Variants in UGT3A2 observed in about 807,000 individuals in gnomAD.
The protein encoded by UGT3A2 is UDP glycosyltransferase family 3 member A2.
UGT3A2 carries 32 observed loss-of-function variants against 39.8 expected under a neutral mutation model. The ratio of observed to expected loss-of-function variants is 0.80; its 90% CI spans 0.61 to 1.08. The LOEUF is 1.08. Among genes scored for constraint, UGT3A2 ranks in the 50% least tolerant of loss-of-function variants. The pLI, the probability that UGT3A2 is intolerant of heterozygous loss-of-function variation, is 0.00. For synonymous variants in UGT3A2, 241 were observed against 230.7 expected, an observed-to-expected ratio of 1.04 and a Z score of -0.40; for missense variants, 611 against 637.1, an observed-to-expected ratio of 0.96 and a Z score of 0.44.
At chr5:36,055,285 G>A (rs554625479) in intron 2 of UGT3A2, among the ~76,000 whole-genome samples, 1 of 151,888 alleles carries the variant, frequency 6.6e-6, no homozygotes, top group East Asian at 1.9e-4. Context: ...CCAGGCTGGA[G>A]TGCATGGCAC....
chr5:36,035,833 G>C lies in UGT3A2; in HGVS notation c.1437C>G (p.Pro479=). 1 of 1,614,164 alleles carries C rather than the reference G, an allele frequency of 6.2e-7. No homozygotes were observed. Among genetic ancestry groups the C allele is most frequent in the Non-Finnish European group, 8.5e-7 (1 of 1,180,030 alleles). ...CGTCGAGCAGGTACTGCTCATGCCA[G>C]GGCTGCTGAAAGACATAGGGCTTGA... is the stretch of plus-strand genomic sequence containing the variant. ...THLKPYVFQQ[P]WHEQYLLDVF... is the part of the protein sequence containing the mutation. The change falls in exon 7 of 7, where the codon CCC becomes CCG. Residue 479 remains proline, a synonymous_variant. Transcript: ENST00000282507.
At chr5:36,047,871 C>T (rs1476732997) in intron 4 of UGT3A2, among the ~76,000 whole-genome samples, 1 of 152,106 alleles carries the variant, frequency 6.6e-6, no homozygotes, top group African/African-American at 2.4e-5. Flanking sequence ...GCCTTATGGC[C>T]ATCTCAATTA....
chr5:36,041,078 G>A (rs910624739), intron 4 of UGT3A2, among the ~76,000 whole-genome samples: 35 of 152,170 alleles, frequency 2.3e-4, no homozygotes, highest in Admixed American at 2.2e-3. Context: ...TGAAGGGAGA[G>A]ACCTAAGCCT....
intron 4 of UGT3A2, among the ~76,000 whole-genome samples, chr5:36,042,000 A>G (rs1742023809): frequency 6.6e-6 from 1 of 152,144 alleles, no homozygotes; most frequent in Admixed American, 6.5e-5. Flanking sequence ...GCTCAGTGAC[A>G]TTCAAGATAA....
chr5:36,051,547 A>C (rs1243745655), intron 3 of UGT3A2, among the ~76,000 whole-genome samples: 1 of 152,246 alleles, frequency 6.6e-6, no homozygotes, highest in South Asian at 2.1e-4. Context: ...CAATTGTTGT[A>C]GGTGAAGTGT....
At chr5:36,045,641 A>G (rs1282970868) in intron 4 of UGT3A2, among the ~76,000 whole-genome samples, 1 of 151,922 alleles carries the variant, frequency 6.6e-6, no homozygotes, top group African/African-American at 2.4e-5. Context: ...AAAGAAAAGA[A>G]AAAGACTGAA....
chr5:36,047,913 A>G (rs1362267640), intron 4 of UGT3A2, among the ~76,000 whole-genome samples: 1 of 152,152 alleles, frequency 6.6e-6, no homozygotes, highest in Non-Finnish European at 1.5e-5. Flanking sequence ...CTGCTCCCCA[A>G]CCTGGGGTGC....
chr5:36,041,620 C>T (rs1742009771), intron 4 of UGT3A2, among the ~76,000 whole-genome samples: 1 of 152,182 alleles, frequency 6.6e-6, no homozygotes, highest in Non-Finnish European at 1.5e-5. Flanking sequence ...ATTCTCCTGG[C>T]TCTTACCTAA....
At chr5:36,064,945 C>CATT (rs1742832618) in intron 1 of UGT3A2, among the ~76,000 whole-genome samples, 1 of 152,074 alleles carries the variant, frequency 6.6e-6, no homozygotes, top group Non-Finnish European at 1.5e-5. Flanking sequence ...TAATTTAGGC[C>CATT]ACACAATGAT....
intron 6 of UGT3A2, among the ~76,000 whole-genome samples, chr5:36,036,947 G>T (rs1741849423): frequency 6.6e-6 from 1 of 152,172 alleles, no homozygotes; most frequent in Non-Finnish European, 1.5e-5. Flanking sequence ...AGGTCACTGG[G>T]CCCCTTCTAT....
rs769512062 is a variant in UGT3A2, at chr5:36,038,000, A to G, written c.1092T>C (p.Arg364=). ...TCTGCCCGCCGTGGGTGACAAACAG[A>G]CGGATGCTTGGGTGAGCTGTTGTAA... is the stretch of plus-strand genomic sequence containing the variant. ...QSDLLAHPSI[R]LFVTHGGQNS... The change falls in exon 6 of 7, where the codon CGT becomes CGC. Residue 364 remains arginine, a synonymous_variant. Transcript: ENST00000282507. 1 of 1,602,046 alleles carries G rather than the reference A, an allele frequency of 6.2e-7. No homozygotes were observed. Among genetic ancestry groups the G allele is most frequent in the South Asian group, 1.1e-5 (1 of 88,262 alleles).
At chr5:36,064,181 T>G in intron 2 of UGT3A2, 68 bp downstream of exon 2, 9 of 1,419,280 alleles carry the variant, frequency 6.3e-6, no homozygotes, top group East Asian at 2.3e-5. Context: ...TTGCTAAGCC[T>G]TTCTATGCAA....
intron 2 of UGT3A2, among the ~76,000 whole-genome samples, chr5:36,062,359 G>T (rs1274924304): frequency 6.6e-6 from 1 of 152,052 alleles, no homozygotes; most frequent in Non-Finnish European, 1.5e-5. Context: ...TTTCTTCTAG[G>T]GTTTTAATGG....
In UGT3A2 at chr5:36,035,676, C is replaced by A; in HGVS notation, c.*22G>T. 6.2e-7 allele frequency: 1 copy of A among 1,607,248 alleles called. No individual in the cohort carries two copies. The highest frequency in any genetic ancestry group is 8.5e-7 in the Non-Finnish European group (1 of 1,175,004). ...TGGTGACATCGCCCACCAAACAGAC[C>A]CCGCCAAGGCTGCACCTGGCCTTAT... is the stretch of plus-strand genomic sequence containing the variant. On this transcript the variant is annotated 3_prime_UTR_variant, in exon 7 of 7. Transcript: ENST00000282507.
chr5:36,055,669 C>T (rs1015570896), intron 2 of UGT3A2, among the ~76,000 whole-genome samples: 4 of 151,992 alleles, frequency 2.6e-5, no homozygotes, highest in South Asian at 2.1e-4. Context: ...TAGTAATATC[C>T]CCTCAATTAT....
Position 36,035,573 on chromosome 5 carries a change from T to A in UGT3A2, c.*125A>T. ...AAGGATGATTTTTGGCCATTTTTCCTGTTCTTCAAGAAAACAGGAGATAAC... is the reference window on the plus strand; with the variant it reads ...AAGGATGATTTTTGGCCATTTTTCCAGTTCTTCAAGAAAACAGGAGATAAC... On this transcript the variant is annotated 3_prime_UTR_variant, in exon 7 of 7. Coordinates refer to ENST00000282507, the MANE Select transcript of UGT3A2 (RefSeq NM_174914.4). 9 of 1,399,718 alleles carry A rather than the reference T, an allele frequency of 6.4e-6. No individual in the cohort carries two copies. The highest frequency in any genetic ancestry group is 8.6e-6 in the Non-Finnish European group (9 of 1,046,554). 86.7% of individuals were successfully genotyped at this position (1,399,718 alleles called of 1,614,324 possible).
In UGT3A2 at chr5:36,066,695, C is replaced by T. The variant is rs777625854; in HGVS notation, c.94+1G>A. The stretch of plus-strand genomic sequence containing the variant: ...TGGGAATTCTCCGGCCAAGCACTCA[C>T]CTACTGTAGATATTGTCAGGATTTT... On this transcript the variant is annotated splice_donor_variant, in intron 1 of 6. Coordinates refer to ENST00000282507, the MANE Select transcript of UGT3A2 (RefSeq NM_174914.4). LOFTEE classifies it high-confidence loss of function. 8 of 1,614,122 alleles carry T rather than the reference C, an allele frequency of 5.0e-6. No homozygotes were observed. The highest frequency in any genetic ancestry group is 6.8e-6 in the Non-Finnish European group (8 of 1,180,012).
intron 4 of UGT3A2, among the ~76,000 whole-genome samples, chr5:36,042,841 A>G (rs1321517124): frequency 1.3e-5 from 2 of 152,276 alleles, no homozygotes; most frequent in East Asian, 3.9e-4. Flanking sequence ...ACATATAACA[A>G]TTATAAATAT....
At chr5:36,045,191 G>A (rs553781277) in intron 4 of UGT3A2, among the ~76,000 whole-genome samples, 61 of 152,126 alleles carry the variant, frequency 4.0e-4, no homozygotes, top group African/African-American at 1.2e-3. Context: ...ATACATCTGC[G>A]GTGAACTTAT....
Sources: gnomAD v4.1 joint callset for allele counts (sites outside exome capture counted in the v4.1 genomes callset) on GRCh38, gnomAD v4.1.1 for gene constraint, MANE v1.5 for transcripts, NCBI Gene and HGNC (gene_info 2026-07-23, HGNC 2026-07-21) for gene names.